Variants in KCNG2 observed in about 807,000 individuals in gnomAD.
KCNG2 encodes the protein voltage-gated potassium channel regulatory subunit KCNG2.
A neutral mutation model predicts 12.3 loss-of-function variants in KCNG2; 7 were observed. The observed-to-expected ratio is 0.57, with a 90% CI of 0.32 to 1.07. The LOEUF (loss-of-function observed/expected upper bound fraction) is 1.07, where lower values mean the gene tolerates loss of function less well. Ranked by LOEUF, KCNG2 falls within the 50% of genes least tolerant of loss-of-function variation. KCNG2 has a pLI of 0.04. For synonymous variants in KCNG2, 414 were observed against 351.4 expected, an observed-to-expected ratio of 1.18 and a Z score of -1.99; for missense variants, 703 against 726.0, an observed-to-expected ratio of 0.97 and a Z score of 0.36.
chr18:79,839,782 C>T (rs945052003), intron 1 of KCNG2, among the ~76,000 whole-genome samples: 1 of 152,084 alleles, frequency 6.6e-6, no homozygotes, highest in African/African-American at 2.4e-5. Context: ...GAATTATACA[C>T]CATGGCCAAG....
Position 79,864,972 on chromosome 18 carries a change from G to GGTGATGAGAGGTCTGT in KCNG2, c.624+684_624+685insATGAGAGGTCTGTGTG, listed in dbSNP as rs1979406684. Among the ~76,000 whole-genome samples the GGTGATGAGAGGTCTGT allele has an allele frequency of 2.4e-5, 3 of 123,056 alleles. No homozygotes were observed. In the South Asian group the frequency reaches 9.4e-4, roughly 39 times the overall value. The allele number at this position is 123,056 out of a possible 152,430, so 80.7% of individuals were successfully genotyped here. On this transcript the variant is annotated intron_variant, in intron 3 of 3. Transcript: ENST00000316249. ...GCTGAGTTCTGTGTGCGGAAGTCTG[G>GGTGATGAGAGGTCTGT]GTGCTGAGAGGTCTGTGTGCTGAGA...
chr18:79,888,286 C>T (rs1203115567), intron 3 of KCNG2, among the ~76,000 whole-genome samples: 1 of 152,292 alleles, frequency 6.6e-6, no homozygotes. Context: ...GCTGTGCCAA[C>T]AGGCTGCAGA....
At chr18:79,853,392 C>T (rs942726888) in intron 1 of KCNG2, among the ~76,000 whole-genome samples, 14 of 152,070 alleles carry the variant, frequency 9.2e-5, no homozygotes, top group African/African-American at 1.9e-4. Flanking sequence ...TCACCGTAGG[C>T]GTCACTGAGC....
chr18:79,815,229 A>G (rs569388654), intron 1 of KCNG2, among the ~76,000 whole-genome samples: 23 of 152,222 alleles, frequency 1.5e-4, no homozygotes, highest in African/African-American at 4.6e-4. Context: ...GCTTGAACCC[A>G]GGAGTTCAAG....
chr18:79,836,819 C>T (rs1944175976), intron 1 of KCNG2, among the ~76,000 whole-genome samples: 1 of 152,152 alleles, frequency 6.6e-6, no homozygotes, highest in South Asian at 2.1e-4. Context: ...CACCTCCCAC[C>T]AGATCCCTCC....
At chr18:79,840,107 G>A (rs1380375543) in intron 1 of KCNG2, among the ~76,000 whole-genome samples, 1 of 152,110 alleles carries the variant, frequency 6.6e-6, no homozygotes, top group African/African-American at 2.4e-5. Flanking sequence ...ATAACTGAAA[G>A]CTCTGGTCAC....
chr18:79,824,236 C>T (rs371094349), intron 1 of KCNG2, among the ~76,000 whole-genome samples: 3 of 152,214 alleles, frequency 2.0e-5, no homozygotes, highest in Non-Finnish European at 2.9e-5. Flanking sequence ...TGGACTCAAG[C>T]GATCCCCCGA....
chr18:79,864,491 C>T (rs1979378746), intron 3 of KCNG2, among the ~76,000 whole-genome samples, 200 bp downstream of exon 3: 1 of 152,174 alleles, frequency 6.6e-6, no homozygotes, highest in Non-Finnish European at 1.5e-5. Context: ...TGATGGTGGT[C>T]TTGGCCAACC....
At chr18:79,895,831 C>A (rs886979065) in intron 3 of KCNG2, among the ~76,000 whole-genome samples, 1 of 152,254 alleles carries the variant, frequency 6.6e-6, no homozygotes, top group Admixed American at 6.5e-5. Flanking sequence ...ATAGTTGGGT[C>A]TGTGTCTGCC....
intron 3 of KCNG2, among the ~76,000 whole-genome samples, chr18:79,876,982 G>A (rs2123103309): frequency 6.6e-6 from 1 of 152,362 alleles, no homozygotes; most frequent in South Asian, 2.1e-4. Flanking sequence ...AGTTAACGCA[G>A]GGTGCGCAGG....
intron 3 of KCNG2, among the ~76,000 whole-genome samples, chr18:79,866,559 T>C (rs1368369520): frequency 7.1e-6 from 1 of 140,094 alleles, no homozygotes; most frequent in East Asian, 2.2e-4. Context: ...TTGTGAGAGG[T>C]CTGGATGCCG....
rs2087400166 is a variant in KCNG2, at chr18:79,800,486, A to G, written c.-115+2472A>G. On this transcript the variant is annotated intron_variant, in intron 1 of 3. Transcript: ENST00000316249. This position sits in a 1 kb window ranked among gnomAD's most constrained non-coding sequence, Gnocchi z 4.0. ...GGCGGGCATTGACCGAGGTAGTTTA[A>G]GACCCCCTTCCTCAGATGAGGCTTG... Among the ~76,000 whole-genome samples, 1 of 152,160 alleles carries G rather than the reference A, an allele frequency of 6.6e-6. No individual in the cohort carries two copies. Among genetic ancestry groups the G allele is most frequent in the South Asian group, 2.1e-4 (1 of 4,824 alleles).
intron 1 of KCNG2, among the ~76,000 whole-genome samples, chr18:79,833,403 C>T (rs983821571): frequency 3.3e-5 from 5 of 152,200 alleles, no homozygotes; most frequent in Admixed American, 1.3e-4. Flanking sequence ...AGCGTCCCAA[C>T]GTGCTGGGAT....
Position 79,899,259 on chromosome 18 carries a change from C to G in KCNG2, c.844C>G (p.Arg282Gly). Residue 282 changes from arginine to glycine, a missense_variant, in exon 4 of 4, where the codon CGC (arginine) becomes GGC (glycine). Arg to Gly is a moderately radical substitution (Grantham distance 125). Transcript: ENST00000316249. Reference sequence around the variant, plus strand: ...CCCGGGCGGGACCAAGCTCCTGGAGCGCGCGGGGCTGGTGCTGCGGCTGCT... The same window carrying G: ...CCCGGGCGGGACCAAGCTCCTGGAGGGCGCGGGGCTGGTGCTGCGGCTGCT... Reference protein sequence around the residue: ...AGPGGTKLLERAGLVLRLLRA... With the variant: ...AGPGGTKLLEGAGLVLRLLRA... The G allele has an allele frequency of 6.3e-7, 1 of 1,588,120 alleles. No individual in the cohort carries two copies. Among genetic ancestry groups the G allele is most frequent in the Non-Finnish European group, 8.5e-7 (1 of 1,173,934 alleles).
intron 3 of KCNG2, among the ~76,000 whole-genome samples, chr18:79,895,389 A>G (rs1041591530): frequency 6.6e-6 from 1 of 151,764 alleles, no homozygotes; most frequent in Admixed American, 6.6e-5. Flanking sequence ...AATGATTGAT[A>G]TAGTTGGGTC....
rs992686876 is a variant in KCNG2, at chr18:79,800,114, G to A, written c.-115+2100G>A. Among the ~76,000 whole-genome samples, 2 of 152,142 alleles carry A rather than the reference G, an allele frequency of 1.3e-5. No individual in the cohort carries two copies. The highest frequency in any genetic ancestry group is 2.1e-4 in the South Asian group (1 of 4,818). On this transcript the variant is annotated intron_variant, in intron 1 of 3. Transcript: ENST00000316249. This position sits in a 1 kb window ranked among gnomAD's most constrained non-coding sequence, Gnocchi z 4.0. ...CGCGAACGGAGGGCTGTTTGTCGTG[G>A]GAGGCGCGTCTCTCTGCAGCCCTGG...
chr18:79,831,768 C>G (rs981311316), intron 1 of KCNG2, among the ~76,000 whole-genome samples: 1 of 150,796 alleles, frequency 6.6e-6, no homozygotes, highest in Non-Finnish European at 1.5e-5. Context: ...TTGTCAGGAG[C>G]GTTCCCTTCA....
rs1449738956 is a variant in KCNG2 at position 79,798,223 on chromosome 18, GGGGCC to G, written c.-115+214_-115+218del. Among the ~76,000 whole-genome samples, 5 of 151,530 alleles carry G rather than the reference GGGGCC, an allele frequency of 3.3e-5. No homozygotes were observed. The South Asian group carries it at 1.0e-3, about 32-fold the overall frequency. ...CGGGCCAAGGGGGCGGGGGCGGCTC[GGGGCC>G]GGGCGGGGCTGGTGCCTCCCCCTCC... is the stretch of plus-strand genomic sequence containing the variant. On this transcript the variant is annotated intron_variant, in intron 1 of 3. Transcript: ENST00000316249.
intron 1 of KCNG2, among the ~76,000 whole-genome samples, chr18:79,838,029 T>C (rs1330657597): frequency 6.6e-6 from 1 of 152,196 alleles, no homozygotes; most frequent in African/African-American, 2.4e-5. Flanking sequence ...AAGCAAGACC[T>C]TCTTCACATG....
Sources: allele counts gnomAD v4.1 joint callset (sites outside exome capture counted in the v4.1 genomes callset), GRCh38; gene constraint gnomAD v4.1.1; non-coding constraint Gnocchi (gnomAD v3.1); transcripts MANE v1.5; gene names NCBI Gene and HGNC (gene_info 2026-07-23, HGNC 2026-07-21).